EXD3: variants seen among roughly 807,000 people sequenced by gnomAD.
EXD3 encodes exonuclease 3'-5' domain containing 3.
In EXD3, 92 loss-of-function variants were observed where a neutral mutation model predicts 98.0. The ratio of observed to expected loss-of-function variants is 0.94; its 90% CI spans 0.79 to 1.12. The LOEUF is 1.12. Among genes scored for constraint, EXD3 ranks in the 50% most tolerant of loss-of-function variants. The pLI, the probability that EXD3 is intolerant of heterozygous loss-of-function variation, is 0.00. For missense variants in EXD3, 1,222 were observed against 1,191.6 expected (o/e 1.03, Z -0.38); for synonymous variants, 569 against 526.0 (o/e 1.08, Z -1.12).
chr9:137,327,799 C>T (rs997120122), intron 17 of EXD3, among the ~76,000 whole-genome samples: 3 of 148,862 alleles, frequency 2.0e-5, no homozygotes, highest in African/African-American at 7.4e-5. Flanking sequence ...TATACACCCA[C>T]ATGATGAGTA....
At chr9:137,388,492 G>A (rs1836726963) in intron 2 of EXD3, among the ~76,000 whole-genome samples, 1 of 152,176 alleles carries the variant, frequency 6.6e-6, no homozygotes, top group Admixed American at 6.5e-5. Flanking sequence ...TGGAGTGGGT[G>A]GCGCCGAAGG....
chr9:137,396,465 G>A (rs1477658769), intron 1 of EXD3, among the ~76,000 whole-genome samples: 2 of 152,234 alleles, frequency 1.3e-5, no homozygotes, highest in Middle Eastern at 3.4e-3. Flanking sequence ...GAGCTGTGCC[G>A]CCCTCCCCCA....
At position 137,383,375 on chromosome 9, in the gene EXD3, G is replaced by C; in HGVS notation, c.58C>G (p.Arg20Gly). Residue 20 changes from arginine to glycine, a missense_variant and splice_region_variant, in exon 3 of 22, where the codon CGG becomes GGG. Physicochemically the swap from Arg to Gly is moderately radical, Grantham distance 125. Transcript: ENST00000340951. ...GCCTGCAGGAGCAGGAGGGGGTCCC[G>C]GCCTGTGGAGATAAGATAACAGCCG... ...PAAGERHRMG[R>G]DPLLLLQALQ... is the part of the protein sequence containing the mutation. 6.5e-7 allele frequency: 1 copy of C among 1,545,992 alleles called. No homozygotes were observed. Among genetic ancestry groups the C allele is most frequent in the Non-Finnish European group, 8.7e-7 (1 of 1,143,766 alleles).
chr9:137,351,591 C>A, intron 12 of EXD3, 63 bp from the exon 13 acceptor site: 1 of 1,476,810 alleles, frequency 6.8e-7, no homozygotes, highest in Non-Finnish European at 9.2e-7. Context: ...GGACCACAGC[C>A]TGGAGGTCCT....
At chr9:137,390,229 G>C (rs969178245) in intron 2 of EXD3, among the ~76,000 whole-genome samples, 7 of 149,924 alleles carry the variant, frequency 4.7e-5, no homozygotes, top group African/African-American at 1.7e-4. Context: ...AGGAGATCGA[G>C]ACCATCCTGG....
chr9:137,362,500 TTCC>T (rs1308722073), intron 7 of EXD3, among the ~76,000 whole-genome samples: 4 of 151,396 alleles, frequency 2.6e-5, no homozygotes, highest in East Asian at 3.9e-4. Context: ...AGAAAGGAAC[TTCC>T]TCATTTTTTT....
intron 1 of EXD3, among the ~76,000 whole-genome samples, chr9:137,411,690 C>T (rs968059992): frequency 4.6e-5 from 2 of 43,392 alleles, no homozygotes; most frequent in African/African-American, 1.7e-4. Context: ...CAGGCGGAGG[C>T]GGGGGTGGGG....
Position 137,395,244 on chromosome 9 carries a change from A to ACC in EXD3, c.55+57_55+58dup. The ACC allele has an allele frequency of 7.6e-7, 1 of 1,308,798 alleles. No individual in the cohort carries two copies. Among genetic ancestry groups the ACC allele is most frequent in the Non-Finnish European group, 1.1e-6 (1 of 904,420 alleles). 81.1% of individuals were successfully genotyped at this position (1,308,798 alleles called of 1,614,324 possible). On this transcript the variant is annotated intron_variant, in intron 2 of 21. Transcript: ENST00000340951. This position sits in a 1 kb window ranked among gnomAD's most constrained non-coding sequence, Gnocchi z 6.5. ...GTGGGCGCCACCACCCCCCATGCAC[A>ACC]CCCACGCACCTCCCCCCACAGCCCC...
At position 137,349,623 on chromosome 9, in the gene EXD3, G is replaced by C; in HGVS notation, c.1495-92C>G. 1 of 1,323,868 alleles carries C rather than the reference G, an allele frequency of 7.6e-7. No individual in the cohort carries two copies. The highest frequency in any genetic ancestry group is 9.9e-7 in the Non-Finnish European group (1 of 1,006,694). The allele number at this position is 1,323,868 out of a possible 1,614,324, so 82.0% of individuals were successfully genotyped here. A position where few individuals can be genotyped will look rare whatever the true frequency, so the allele number is the denominator to read the frequency against. On this transcript the variant is annotated intron_variant, in intron 14 of 21. Transcript: ENST00000340951. This position sits in a 1 kb window ranked among gnomAD's most constrained non-coding sequence, Gnocchi z 7.4. ...TCACACCAGCCCTGCGGGGGCTCTG[G>C]AGGAGGCCCCGCCCCCTCCACCAGC... is the stretch of plus-strand genomic sequence containing the variant.
chr9:137,416,638 T>C (rs1838242503), intron 1 of EXD3, among the ~76,000 whole-genome samples: 1 of 152,074 alleles, frequency 6.6e-6, no homozygotes, highest in Non-Finnish European at 1.5e-5. Flanking sequence ...GCTCAGAGCA[T>C]CATCCTGCGC....
intron 1 of EXD3, among the ~76,000 whole-genome samples, chr9:137,408,468 A>G (rs868629964): frequency 1.4e-5 from 2 of 145,364 alleles, no homozygotes; most frequent in Middle Eastern, 3.7e-3. Flanking sequence ...AATGGCGTGA[A>G]CCCGGGAGGT....
chr9:137,325,051 G>A (rs944689501), intron 17 of EXD3, among the ~76,000 whole-genome samples: 5 of 152,238 alleles, frequency 3.3e-5, no homozygotes, highest in African/African-American at 7.2e-5. Flanking sequence ...GCTTCAGTAT[G>A]AATTTCTGAT....
rs531314792 is a variant in EXD3, at chr9:137,395,105, G to A, written c.55+198C>T. ...AAGGAGGCGGCCTGTCCTGACCCCC[G>A]AGGACAACAAGGCCACAGTGGGGCC... On this transcript the variant is annotated intron_variant, in intron 2 of 21. Coordinates refer to ENST00000340951, the MANE Select transcript of EXD3 (RefSeq NM_017820.5). This position sits in a 1 kb window ranked among gnomAD's most constrained non-coding sequence, Gnocchi z 6.5. 5.9e-5 allele frequency among the ~76,000 whole-genome samples: 9 copies of A among 152,142 alleles called. No homozygotes were observed. In the South Asian group the frequency reaches 6.2e-4, roughly 11 times the overall value.
At chr9:137,365,644 C>A in intron 7 of EXD3, 1 of 229,070 alleles carries the variant, frequency 4.4e-6, no homozygotes, top group Non-Finnish European at 8.7e-6. Flanking sequence ...CGTGCACACA[C>A]ATACATGTAC....
At chr9:137,319,280 C>T (rs956673864) in intron 19 of EXD3, among the ~76,000 whole-genome samples, 8 of 152,340 alleles carry the variant, frequency 5.3e-5, no homozygotes, top group Admixed American at 2.0e-4. Context: ...ACTGTGGCTG[C>T]GGTGGCAGGC....
intron 5 of EXD3, among the ~76,000 whole-genome samples, chr9:137,368,342 C>A (rs1232469471): frequency 6.6e-6 from 1 of 152,174 alleles, no homozygotes; most frequent in Non-Finnish European, 1.5e-5. Flanking sequence ...CAAGGCAAGG[C>A]GCAAAGCCGT....
In EXD3 at chr9:137,307,655, C is replaced by T. The variant is rs770001189; in HGVS notation, c.2279-9G>A. The T allele has an allele frequency of 1.2e-6, 2 of 1,609,140 alleles. No individual in the cohort carries two copies. The highest frequency in any genetic ancestry group is 2.2e-5 in the East Asian group (1 of 44,856). ...CTGGGTGGCCTCGTCACCTGTCAGT[C>T]AAGGAAGAGAGCTGGTCCGGGACTG... On this transcript the variant is annotated splice_polypyrimidine_tract_variant and intron_variant, in intron 20 of 21. Transcript: ENST00000340951.
Position 137,309,698 on chromosome 9 carries a change from G to C in EXD3, c.2187C>G (p.Ala729=), listed in dbSNP as rs746981330. The part of the protein sequence containing the change: ...THADIFSRCQ[A]CNCDQYLKVS... ...CCTTTAGGTACTGGTCACAGTTACA[G>C]GCCTGGGGGCCAGAGGGGGTGCTGA... The change falls in exon 20 of 22, where the codon GCC becomes GCG. Residue 729 remains alanine (A), a splice_region_variant and synonymous_variant. Transcript: ENST00000340951. 135 of 1,552,436 alleles carry C rather than the reference G, an allele frequency of 8.7e-5. No individual in the cohort carries two copies. Among genetic ancestry groups the C allele is most frequent in the Non-Finnish European group, 1.1e-4 (132 of 1,148,174 alleles).
At chr9:137,422,198 C>T (rs909999597) in intron 1 of EXD3, among the ~76,000 whole-genome samples, 4 of 151,706 alleles carry the variant, frequency 2.6e-5, no homozygotes, top group African/African-American at 7.3e-5. Flanking sequence ...AATGAGCCTT[C>T]CCAGCAAGAG....
Sources: gnomAD v4.1 joint callset for allele counts (sites outside exome capture counted in the v4.1 genomes callset) on GRCh38, gnomAD v4.1.1 for gene constraint, Gnocchi (gnomAD v3.1) non-coding constraint, MANE v1.5 for transcripts, NCBI Gene and HGNC (gene_info 2026-07-23, HGNC 2026-07-21) for gene names.